PACRG: variants seen among roughly 807,000 people sequenced by gnomAD.
PACRG encodes the protein parkin coregulated, also known as parkin coregulated gene protein.
Under a neutral mutation model 29.7 loss-of-function variants are expected in PACRG, and 29 were observed. That is an observed-to-expected ratio of 0.98 (90% CI 0.73 to 1.33). PACRG has a LOEUF of 1.33. PACRG is among the 40% of genes most tolerant of loss of function. The probability of loss-of-function intolerance (pLI) is 0.00; values close to 1 mark genes in which losing one functional copy is unlikely to be tolerated. For synonymous variants in PACRG, 116 were observed against 118.7 expected (o/e 0.98, Z 0.15); for missense variants, 279 against 316.2 (o/e 0.88, Z 0.89).
At chr6:162,931,854 T>A (rs780960125) in intron 2 of PACRG, among the ~76,000 whole-genome samples, 31 of 152,010 alleles carry the variant, frequency 2.0e-4, no homozygotes, top group Admixed American at 9.8e-4. Context: ...TTTGCCAGTT[T>A]CTCAAAAAGT....
chr6:163,220,704 T>C (rs1781551018), intron 4 of PACRG, among the ~76,000 whole-genome samples: 1 of 152,030 alleles, frequency 6.6e-6, no homozygotes. Context: ...TTTAAGAGAG[T>C]ATGTGGAGAA....
At chr6:162,849,963 A>G (rs551898970) in intron 2 of PACRG, among the ~76,000 whole-genome samples, 4 of 152,324 alleles carry the variant, frequency 2.6e-5, no homozygotes, top group African/African-American at 4.8e-5. Flanking sequence ...TTCTATCTCA[A>G]CTATCCCCAA....
intron 1 of PACRG, among the ~76,000 whole-genome samples, chr6:162,772,560 A>C (rs1273579476): frequency 6.6e-6 from 1 of 152,216 alleles, no homozygotes; most frequent in African/African-American, 2.4e-5. Context: ...AATAGGAGGG[A>C]GAGTCCTAAG....
rs1246389313 is a variant in PACRG, at chr6:163,269,887, AAG to A, written c.614-44938_614-44937del. Among the ~76,000 whole-genome samples, 3 of 44,528 alleles carry A rather than the reference AAG, an allele frequency of 6.7e-5. 1 individual carries two copies. The highest frequency in any genetic ancestry group is 1.3e-4 in the Non-Finnish European group (3 of 22,808). 29.2% of individuals were successfully genotyped at this position (44,528 alleles called of 152,430 possible). On this transcript the variant is annotated intron_variant, in intron 4 of 4. Transcript: ENST00000366888. ...AGAAAGAGAAAGAAAGAAAGAAAGA[AAG>A]AAAACAAAGAAAGAAAGAAAGAAAG...
intron 4 of PACRG, among the ~76,000 whole-genome samples, chr6:163,152,539 G>GGA (rs1199136515): frequency 6.6e-6 from 1 of 152,164 alleles, no homozygotes; most frequent in Non-Finnish European, 1.5e-5. Flanking sequence ...ATGGAACAAA[G>GGA]CCTAGAACAT....
At chr6:162,989,992 G>C (rs1803293634) in intron 2 of PACRG, among the ~76,000 whole-genome samples, 1 of 150,508 alleles carries the variant, frequency 6.6e-6, no homozygotes, top group Non-Finnish European at 1.5e-5. Context: ...TGCGGTGTTT[G>C]GTTTTTTGTT....
In PACRG at chr6:162,771,577, G is replaced by T. The variant is rs369137958; in HGVS notation, c.157-42570G>T. The stretch of plus-strand genomic sequence containing the variant: ...TTTTTACGAAGACCAGGTGTATTTT[G>T]TACTTTTTTTTTTGGTACACGTTTC... On this transcript the variant is annotated intron_variant, in intron 1 of 4. Transcript: ENST00000366888. Among the ~76,000 whole-genome samples the T allele has an allele frequency of 6.8e-4, 103 of 151,460 alleles. No individual in the cohort carries two copies. The East Asian group carries it at 0.01, about 15-fold the overall frequency.
At chr6:163,089,518 G>A in intron 4 of PACRG, 110 bp downstream of exon 4, 1 of 1,305,936 alleles carries the variant, frequency 7.7e-7, no homozygotes, top group Non-Finnish European at 1.1e-6. Context: ...TATAAACCAT[G>A]ATCCATTTGG....
chr6:162,944,888 C>T (rs190126932), intron 2 of PACRG, among the ~76,000 whole-genome samples: 2 of 151,432 alleles, frequency 1.3e-5, no homozygotes, highest in East Asian at 3.9e-4. Context: ...AAGAAAAAAA[C>T]AAACAAAAAA....
chr6:163,241,773 G>GAAGGCA (rs1219108801), intron 4 of PACRG, among the ~76,000 whole-genome samples: 1 of 152,196 alleles, frequency 6.6e-6, no homozygotes, highest in Non-Finnish European at 1.5e-5. Flanking sequence ...CGGGTGTGTA[G>GAAGGCA]AAGGCAAAAG....
At chr6:163,100,396 G>A (rs762478116) in intron 4 of PACRG, among the ~76,000 whole-genome samples, 3 of 152,206 alleles carry the variant, frequency 2.0e-5, no homozygotes, top group Non-Finnish European at 2.9e-5. Flanking sequence ...TGCACCGCAG[G>A]GAAGGCCCAG....
rs117108605 is a variant in PACRG, at chr6:162,997,712, C to T, written c.292-64438C>T. ...CTAATCAGCCAGGAATGGGAGTTCC[C>T]ATGTTCCTCCTGCTAGCCAATACTT... On this transcript the variant is annotated intron_variant, in intron 2 of 4. Coordinates refer to ENST00000366888, the MANE Select transcript of PACRG (RefSeq NM_001080379.2). 1.4e-4 allele frequency among the ~76,000 whole-genome samples: 21 copies of T among 152,340 alleles called. No individual in the cohort carries two copies. The East Asian group carries it at 4.1e-3, about 29-fold the overall frequency.
chr6:162,863,456 A>G (rs1253872552), intron 2 of PACRG, among the ~76,000 whole-genome samples: 1 of 152,242 alleles, frequency 6.6e-6, no homozygotes, highest in Admixed American at 6.5e-5. Flanking sequence ...ACATGTGGGC[A>G]AATGCATCTA....
chr6:162,807,181 G>T (rs1386375126), intron 1 of PACRG, among the ~76,000 whole-genome samples: 1 of 152,184 alleles, frequency 6.6e-6, no homozygotes, highest in East Asian at 1.9e-4. Flanking sequence ...GAATGTTGTG[G>T]CTGGTTTGAT....
At chr6:163,153,430 T>A (rs1375114618) in intron 4 of PACRG, among the ~76,000 whole-genome samples, 1 of 152,248 alleles carries the variant, frequency 6.6e-6, no homozygotes, top group East Asian at 1.9e-4. Flanking sequence ...ATTAAAATGC[T>A]CCTTTCAAAA....
At chr6:162,743,814 C>A (rs923067709) in intron 1 of PACRG, among the ~76,000 whole-genome samples, 2 of 152,064 alleles carry the variant, frequency 1.3e-5, no homozygotes, top group African/African-American at 4.8e-5. Flanking sequence ...AATTTTGAAA[C>A]ATTTTCCTCA....
intron 4 of PACRG, among the ~76,000 whole-genome samples, chr6:163,152,340 G>A (rs573758324): frequency 8.5e-5 from 13 of 152,234 alleles, no homozygotes; most frequent in African/African-American, 2.6e-4. Context: ...AACTTCTCTC[G>A]AAATCCTGTT....
In PACRG at chr6:162,933,473, C is replaced by T. The variant is rs75497566; in HGVS notation, c.291+119192C>T. ...CAGCTTTTATTGTACTGAGGTTTATCTGTCTCTCTTTAGCTAATATTTGCA... is the reference window on the plus strand; with the variant it reads ...CAGCTTTTATTGTACTGAGGTTTATTTGTCTCTCTTTAGCTAATATTTGCA... On this transcript the variant is annotated intron_variant, in intron 2 of 4. Transcript: ENST00000366888. 9.0e-3 allele frequency among the ~76,000 whole-genome samples: 1,366 copies of T among 151,988 alleles called. 15 individuals carry two copies. Among genetic ancestry groups the T allele is most frequent in the African/African-American group, 0.024 (993 of 41,460 alleles).
intron 2 of PACRG, among the ~76,000 whole-genome samples, chr6:163,034,632 C>G (rs1230698446): frequency 6.6e-6 from 1 of 152,188 alleles, no homozygotes; most frequent in Non-Finnish European, 1.5e-5. Flanking sequence ...GGCCGCCAAT[C>G]AGTGCCATAG....
Sources: gnomAD v4.1 joint callset for allele counts (sites outside exome capture counted in the v4.1 genomes callset) on GRCh38, gnomAD v4.1.1 for gene constraint, MANE v1.5 for transcripts, NCBI Gene and HGNC (gene_info 2026-07-23, HGNC 2026-07-21) for gene names.